APLP2: variants seen among roughly 807,000 people sequenced by gnomAD.
APLP2 encodes amyloid beta precursor like protein 2.
Under a neutral mutation model 89.9 loss-of-function variants are expected in APLP2, and 53 were observed. That is an observed-to-expected ratio of 0.59 (90% CI 0.47 to 0.74). The LOEUF (loss-of-function observed/expected upper bound fraction) is 0.74. APLP2 is among the 30% of genes least tolerant of loss of function. The probability of loss-of-function intolerance (pLI) is 0.00; values close to 1 mark genes in which losing one functional copy is unlikely to be tolerated. For missense variants in APLP2, 973 were observed against 975.9 expected, an observed-to-expected ratio of 1.00 and a Z score of 0.04; for synonymous variants, 372 against 348.6, an observed-to-expected ratio of 1.07 and a Z score of -0.75.
intron 1 of APLP2, among the ~76,000 whole-genome samples, chr11:130,084,782 T>C (rs1289552635): frequency 6.7e-6 from 1 of 150,012 alleles, no homozygotes; most frequent in Non-Finnish European, 1.5e-5. Flanking sequence ...AAGAATAAGC[T>C]AATCCCAAAG....
At chr11:130,073,550 ATAACT>A (rs1313702687) in intron 1 of APLP2, among the ~76,000 whole-genome samples, 3 of 152,232 alleles carry the variant, frequency 2.0e-5, no homozygotes, top group Non-Finnish European at 4.4e-5. Flanking sequence ...TTACTTAGAA[ATAACT>A]TTAATCACCA....
intron 1 of APLP2, among the ~76,000 whole-genome samples, chr11:130,084,865 CAAAG>C (rs888786703): frequency 1.3e-4 from 19 of 151,878 alleles, no homozygotes; most frequent in South Asian, 4.2e-4. Context: ...AGAAAAAAAT[CAAAG>C]AAAGAGTTGG....
chr11:130,133,635 A>T lies in APLP2; in HGVS notation c.1591A>T (p.Thr531Ser), dbSNP rs781478412. The T allele has an allele frequency of 6.2e-7, 1 of 1,612,644 alleles. No individual in the cohort carries two copies. The highest frequency in any genetic ancestry group is 1.7e-5 in the Admixed American group (1 of 60,032). The stretch of plus-strand genomic sequence containing the variant: ...ACCATAACTCTGCTTCCAGGTGATG[A>T]CACATCTCCACGTGATTGAAGAAAG... Reference protein sequence around the residue: ...KAAQMKSQVMTHLHVIEERRN... With the variant: ...KAAQMKSQVMSHLHVIEERRN... Residue 531 changes from threonine (T) to serine (S), a missense_variant, in exon 12 of 17, where the codon ACA (threonine) becomes TCA (serine). Physicochemically the swap from Thr to Ser is moderately conservative, Grantham distance 58. Coordinates refer to ENST00000338167, the MANE Select transcript of APLP2 (RefSeq NM_001142276.2).
chr11:130,082,926 A>G (rs1943437215), intron 1 of APLP2: 1 of 152,462 alleles, frequency 6.6e-6, no homozygotes, highest in Non-Finnish European at 1.5e-5. Context: ...CACAAGACAT[A>G]AGCATTTTCT....
rs569114052 is a variant in APLP2, at chr11:130,123,068, C to T, written c.923-544C>T. Among the ~76,000 whole-genome samples, 3 of 152,170 alleles carry T rather than the reference C, an allele frequency of 2.0e-5. No individual in the cohort carries two copies. In the South Asian group the frequency reaches 6.2e-4, roughly 32 times the overall value. The stretch of plus-strand genomic sequence containing the variant: ...TTCCAGAGCCATTAACATGCAGCCT[C>T]CTGCTGATCGTATATTTGAAACCAA... On this transcript the variant is annotated intron_variant, in intron 6 of 16. Coordinates refer to ENST00000338167, the MANE Select transcript of APLP2 (RefSeq NM_001142276.2). This position sits in a 1 kb window ranked among gnomAD's most constrained non-coding sequence, Gnocchi z 4.0.
chr11:130,074,998 T>C (rs1941853239), intron 1 of APLP2, among the ~76,000 whole-genome samples: 1 of 152,216 alleles, frequency 6.6e-6, no homozygotes, highest in Non-Finnish European at 1.5e-5. Flanking sequence ...TAATTAAATT[T>C]AGTGTATTGT....
chr11:130,098,531 G>A (rs1385601771), intron 1 of APLP2, among the ~76,000 whole-genome samples: 1 of 152,180 alleles, frequency 6.6e-6, no homozygotes, highest in African/African-American at 2.4e-5. Flanking sequence ...CATGTTTGTG[G>A]TTTTAACCTC....
chr11:130,097,909 G>T (rs927625110), intron 1 of APLP2, among the ~76,000 whole-genome samples: 2 of 152,150 alleles, frequency 1.3e-5, no homozygotes, highest in African/African-American at 2.4e-5. Flanking sequence ...ATTCAGGACA[G>T]TTATTCTTCA....
intron 1 of APLP2, among the ~76,000 whole-genome samples, chr11:130,094,452 G>A (rs1428812622): frequency 6.6e-6 from 1 of 152,096 alleles, no homozygotes; most frequent in Non-Finnish European, 1.5e-5. Context: ...GCCTCCCAAA[G>A]TGCTGGGATT....
chr11:130,121,715 A>G lies in APLP2; in HGVS notation c.618A>G (p.Thr206=), dbSNP rs530537599. Residue 206 remains threonine (T), a synonymous_variant, in exon 5 of 17, where the codon ACA becomes ACG. Transcript: ENST00000338167. ...CTGAATATGTGTGCTGCCCTCAGACAAAGATTATTGGATCTGTGTCAAAAG... is the reference window on the plus strand; with the variant it reads ...CTGAATATGTGTGCTGCCCTCAGACGAAGATTATTGGATCTGTGTCAAAAG... ...HGTEYVCCPQ[T]KIIGSVSKEE... 2.2e-5 allele frequency: 36 copies of G among 1,614,062 alleles called. No individual in the cohort carries two copies. The highest frequency in any genetic ancestry group is 2.8e-5 in the Non-Finnish European group (33 of 1,180,050).
chr11:130,107,590 C>G (rs1335729541), intron 1 of APLP2, among the ~76,000 whole-genome samples: 1 of 152,202 alleles, frequency 6.6e-6, no homozygotes, highest in Non-Finnish European at 1.5e-5. Context: ...GAAGAACATT[C>G]CATGCTCATG....
chr11:130,110,425 A>ATG, intron 2 of APLP2, 113 bp from the exon 3 acceptor site: 1 of 1,267,650 alleles, frequency 7.9e-7, no homozygotes, highest in Non-Finnish European at 1.1e-6. Context: ...GGAACTTTAG[A>ATG]TGTATGTAGG....
At chr11:130,130,196 G>C (rs73046915) in intron 11 of APLP2, 30 bp downstream of exon 11, 3 of 1,614,120 alleles carry the variant, frequency 1.9e-6, no homozygotes, top group Non-Finnish European at 1.7e-6. Flanking sequence ...AATTGCTGCC[G>C]TGAGGGCATT....
At chr11:130,113,817 A>G (rs572507647) in intron 3 of APLP2, among the ~76,000 whole-genome samples, 4 of 152,286 alleles carry the variant, frequency 2.6e-5, no homozygotes, top group Non-Finnish European at 5.9e-5. Context: ...ATAATTTCAA[A>G]TTTACAGAAT....
intron 13 of APLP2, among the ~76,000 whole-genome samples, chr11:130,138,106 A>T (rs1035025626): frequency 6.6e-6 from 1 of 152,336 alleles, no homozygotes; most frequent in South Asian, 2.1e-4. Context: ...GTGTCACGGG[A>T]TCCCCCAGGT....
At chr11:130,142,602 T>C (rs571324127) in intron 16 of APLP2, among the ~76,000 whole-genome samples, 111 of 152,164 alleles carry the variant, frequency 7.3e-4, no homozygotes, top group Non-Finnish European at 5.9e-4. Context: ...TTATTTGTGT[T>C]TTTTTGTTTG....
At chr11:130,072,523 G>A (rs953410237) in intron 1 of APLP2, among the ~76,000 whole-genome samples, 1 of 150,214 alleles carries the variant, frequency 6.7e-6, no homozygotes, top group African/African-American at 2.5e-5. Context: ...GTCCCAGGCT[G>A]GAGTGCAATG....
chr11:130,120,668 A>G, intron 3 of APLP2, 38 bp from the exon 4 acceptor site: 2 of 1,475,346 alleles, frequency 1.4e-6, no homozygotes, highest in Non-Finnish European at 1.9e-6. Context: ...CCTTGAAATC[A>G]TGGTCAGATC....
chr11:130,107,714 C>T (rs1208256480), intron 1 of APLP2, among the ~76,000 whole-genome samples: 1 of 152,180 alleles, frequency 6.6e-6, no homozygotes, highest in South Asian at 2.1e-4. Flanking sequence ...GAAAAAACTA[C>T]TTTAAAGTTC....
Sources: allele counts gnomAD v4.1 joint callset (sites outside exome capture counted in the v4.1 genomes callset), GRCh38; gene constraint gnomAD v4.1.1; non-coding constraint Gnocchi (gnomAD v3.1); transcripts MANE v1.5; gene names NCBI Gene and HGNC (gene_info 2026-07-23, HGNC 2026-07-21).